PTN: variants seen among roughly 807,000 people sequenced by gnomAD.
The protein encoded by PTN is heparin affin regulatory protein.
In PTN, 18 loss-of-function variants were observed where a neutral mutation model predicts 24.1. The ratio of observed to expected loss-of-function variants is 0.75; its 90% confidence interval spans 0.52 to 1.11. The LOEUF is 1.11. Ranked by LOEUF, PTN falls within the 50% of genes least tolerant of loss-of-function variation. The pLI is 0.00. For synonymous variants in PTN, 78 were observed against 68.6 expected (o/e 1.14, Z -0.67); for missense variants, 163 against 198.8 (o/e 0.82, Z 1.08).
chr7:137,326,242 T>C (rs747215644), intron 1 of PTN: 4 of 152,176 alleles, frequency 2.6e-5, no homozygotes, highest in Admixed American at 2.6e-4. Context: ...GCTCAGTTCT[T>C]AGGATAATCC....
At chr7:137,328,940 A>T (rs915938759) in intron 1 of PTN, among the ~76,000 whole-genome samples, 3 of 152,206 alleles carry the variant, frequency 2.0e-5, no homozygotes, top group Non-Finnish European at 2.9e-5. Flanking sequence ...CATGAACCAG[A>T]ATATCTTCAA....
chr7:137,271,596 A>G (rs1055709408), intron 1 of PTN, among the ~76,000 whole-genome samples: 2 of 152,242 alleles, frequency 1.3e-5, no homozygotes, highest in African/African-American at 4.8e-5. Context: ...GGGGAGCCAA[A>G]TGAGTTCAAA....
At chr7:137,331,432 C>A (rs1201697167) in intron 1 of PTN, among the ~76,000 whole-genome samples, 1 of 152,218 alleles carries the variant, frequency 6.6e-6, no homozygotes, top group Non-Finnish European at 1.5e-5. Context: ...TGGTGGGAAT[C>A]CCAATACTGG....
chr7:137,264,482 C>T (rs377597297), intron 1 of PTN, among the ~76,000 whole-genome samples: 3 of 152,134 alleles, frequency 2.0e-5, no homozygotes, highest in Non-Finnish European at 2.9e-5. Flanking sequence ...ACTGGAGCAG[C>T]GCTTGTCGTC....
At position 137,227,962 on chromosome 7, in the gene PTN, C is replaced by T; in HGVS notation, c.*58G>A. The T allele has an allele frequency of 3.8e-6, 6 of 1,588,786 alleles. No homozygotes were observed. Among genetic ancestry groups the T allele is most frequent in the Non-Finnish European group, 8.5e-7 (1 of 1,170,364 alleles). On this transcript the variant is annotated 3_prime_UTR_variant, in exon 5 of 5. Transcript: ENST00000348225. ...ACAAAGCCTACGGTACATATAAATG[C>T]AATAGTTAACTGATCCTGTTTGCTG... is the stretch of plus-strand genomic sequence containing the variant.
At chr7:137,280,793 AC>A (rs1809460677) in intron 1 of PTN, among the ~76,000 whole-genome samples, 1 of 148,060 alleles carries the variant, frequency 6.8e-6, no homozygotes, top group South Asian at 2.2e-4. Context: ...AATTGGTTAA[AC>A]CTGGGAGGCA....
chr7:137,308,047 C>T (rs1809918034), intron 1 of PTN, among the ~76,000 whole-genome samples: 1 of 152,132 alleles, frequency 6.6e-6, no homozygotes, highest in Non-Finnish European at 1.5e-5. Flanking sequence ...GGGAAGGGTA[C>T]AGGAGCCCTA....
At chr7:137,241,357 A>T (rs958144801) in intron 4 of PTN, among the ~76,000 whole-genome samples, 1 of 152,210 alleles carries the variant, frequency 6.6e-6, no homozygotes, top group Non-Finnish European at 1.5e-5. Context: ...TGAATATTAA[A>T]TGACACCCTG....
chr7:137,251,222 G>C lies in PTN; in HGVS notation c.451+8C>G. ...CATTAAAATTGTGGTATAATGGCAA[G>C]GACTTACCTTGAGGTTTGGGCTTGG... On this transcript the variant is annotated splice_region_variant and intron_variant, in intron 4 of 4. Coordinates refer to ENST00000348225, the MANE Select transcript of PTN (RefSeq NM_002825.7). The C allele has an allele frequency of 6.2e-7, 1 of 1,613,782 alleles. No individual in the cohort carries two copies. The highest frequency in any genetic ancestry group is 8.5e-7 in the Non-Finnish European group (1 of 1,179,690).
intron 1 of PTN, among the ~76,000 whole-genome samples, chr7:137,306,977 A>G (rs2128879310): frequency 6.6e-6 from 1 of 152,182 alleles, no homozygotes; most frequent in Non-Finnish European, 1.5e-5. Flanking sequence ...CATTCCTCAT[A>G]TGAAAATAAT....
chr7:137,328,409 C>G (rs185048753), intron 1 of PTN, among the ~76,000 whole-genome samples: 48 of 152,302 alleles, frequency 3.2e-4, no homozygotes, highest in South Asian at 8.3e-4. Context: ...CTAACCTTTC[C>G]CAGCCTCTGT....
chr7:137,237,039 A>G (rs558941483), intron 4 of PTN, among the ~76,000 whole-genome samples: 1 of 152,324 alleles, frequency 6.6e-6, no homozygotes, highest in South Asian at 2.1e-4. Context: ...ATATAGATAT[A>G]GTTAAATAGA....
intron 1 of PTN, among the ~76,000 whole-genome samples, chr7:137,264,838 T>G (rs1430457837): frequency 2.0e-5 from 3 of 152,216 alleles, no homozygotes; most frequent in Non-Finnish European, 4.4e-5. Flanking sequence ...ATCTGCTTCT[T>G]GTGCTAACAG....
At chr7:137,342,485 T>G (rs2128884534) in intron 1 of PTN, among the ~76,000 whole-genome samples, 1 of 151,964 alleles carries the variant, frequency 6.6e-6, no homozygotes, top group Non-Finnish European at 1.5e-5. Context: ...GACACAAGGG[T>G]GAGTTAACAC....
At chr7:137,319,349 C>A (rs1020901545) in intron 1 of PTN, among the ~76,000 whole-genome samples, 1 of 152,130 alleles carries the variant, frequency 6.6e-6, no homozygotes, top group Non-Finnish European at 1.5e-5. Context: ...CAAAGGGTAA[C>A]CTTTTACTTT....
rs772500360 is a variant in PTN at position 137,251,404 on chromosome 7, T to A, written c.290-13A>T. 32 of 1,611,018 alleles carry A rather than the reference T, an allele frequency of 2.0e-5. No homozygotes were observed. Among genetic ancestry groups the A allele is most frequent in the Non-Finnish European group, 2.6e-5 (31 of 1,178,032 alleles). ...TATTTGCACTCCGCTAAAGGCAGGG[T>A]AGAACCAAACAGAAATCCTTGAAAG... On this transcript the variant is annotated splice_polypyrimidine_tract_variant and intron_variant, in intron 3 of 4. Coordinates refer to ENST00000348225, the MANE Select transcript of PTN (RefSeq NM_002825.7).
At chr7:137,296,606 A>G (rs1186844044) in intron 1 of PTN, among the ~76,000 whole-genome samples, 2 of 151,906 alleles carry the variant, frequency 1.3e-5, no homozygotes, top group African/African-American at 2.4e-5. Flanking sequence ...CCCTCACCCT[A>G]TTTATATTGT....
intron 1 of PTN, among the ~76,000 whole-genome samples, chr7:137,315,012 G>T (rs1019607563): frequency 4.6e-5 from 7 of 152,160 alleles, no homozygotes; most frequent in Non-Finnish European, 7.3e-5. Context: ...TTGATGTGGT[G>T]TATTTCTTGG....
chr7:137,271,052 A>G (rs1809263943), intron 1 of PTN, among the ~76,000 whole-genome samples: 1 of 152,102 alleles, frequency 6.6e-6, no homozygotes, highest in Non-Finnish European at 1.5e-5. Flanking sequence ...CCTGATTGAT[A>G]TTGTTCTCCC....
Sources: allele counts gnomAD v4.1 joint callset (sites outside exome capture counted in the v4.1 genomes callset), GRCh38; gene constraint gnomAD v4.1.1; transcripts MANE v1.5; gene names NCBI Gene and HGNC (gene_info 2026-07-23, HGNC 2026-07-21).